The following CRB1 variants were observed in gnomAD, a reference collection of about 807,000 sequenced individuals.
The protein encoded by CRB1 is crumbs cell polarity complex component 1, also known as protein crumbs homolog 1.
In CRB1, 83 loss-of-function variants were observed where a neutral mutation model predicts 120.0. The observed-to-expected ratio is 0.69, with a 90% CI of 0.58 to 0.83. The LOEUF is 0.83. CRB1 is among the 40% of genes least tolerant of loss of function. The pLI, the probability that CRB1 is intolerant of heterozygous loss-of-function variation, is 0.00. For synonymous variants in CRB1, 625 were observed against 612.5 expected, an observed-to-expected ratio of 1.02 and a Z score of -0.30; for missense variants, 1,699 against 1,687.6, an observed-to-expected ratio of 1.01 and a Z score of -0.12.
At chr1:197,437,012 C>T (rs1665193115) in intron 9 of CRB1, among the ~76,000 whole-genome samples, 1 of 152,054 alleles carries the variant, frequency 6.6e-6, no homozygotes, top group African/African-American at 2.4e-5. Context: ...TATTTTTCTT[C>T]TAAGTCACAT....
the CRB1 span, among the ~76,000 whole-genome samples, chr1:197,229,221 A>C: frequency 0.015 from 2,297 of 152,330 alleles, 59 homozygotes; most frequent in African/African-American, 0.053. Flanking sequence ...GTAGTAGCTC[A>C]AACTGACAGA....
rs113810480 is a variant in CRB1 at position 197,305,028 on chromosome 1, C to T, written c.71-23394C>T. ...GGCCCTGCAGAGCCTATTCTTTCAGCCATTCCAGGGATGCCTTTTGCATCT... is the reference window on the plus strand; with the variant it reads ...GGCCCTGCAGAGCCTATTCTTTCAGTCATTCCAGGGATGCCTTTTGCATCT... On this transcript the variant is annotated intron_variant, in intron 1 of 11. Transcript: ENST00000367400. Among the ~76,000 whole-genome samples, 472 of 152,260 alleles carry T rather than the reference C, an allele frequency of 3.1e-3. 1 individual carries two copies. Among genetic ancestry groups the T allele is most frequent in the African/African-American group, 0.011 (450 of 41,558 alleles).
the CRB1 span, among the ~76,000 whole-genome samples, chr1:197,260,947 G>A: frequency 6.6e-6 from 1 of 152,054 alleles, no homozygotes; most frequent in Admixed American, 6.5e-5. Flanking sequence ...CACCCGCCTT[G>A]GCCTCCCAAA....
Position 197,478,090 on chromosome 1 carries a change from G to C in CRB1, c.*211G>C. 1.7e-6 allele frequency: 1 copy of C among 585,324 alleles called. No individual in the cohort carries two copies. Among genetic ancestry groups the C allele is most frequent in the South Asian group, 2.0e-5 (1 of 49,950 alleles). The allele number at this position is 585,324 out of a possible 1,614,324, so 36.3% of individuals were successfully genotyped here. A position where few individuals can be genotyped will look rare whatever the true frequency, so the allele number is the denominator to read the frequency against. On this transcript the variant is annotated 3_prime_UTR_variant, in exon 12 of 12. Transcript: ENST00000367400. ...ATTATATCAGCCAATTGCAAAAAAA[G>C]TCTGTGCCAGTAATTTCAGCCTTAT...
chr1:197,214,161 A>G, the CRB1 span, among the ~76,000 whole-genome samples: 1 of 152,204 alleles, frequency 6.6e-6, no homozygotes, highest in Non-Finnish European at 1.5e-5. Flanking sequence ...TAGCTAGACT[A>G]AGAAAACAAT....
chr1:197,421,750 G>A lies in CRB1; in HGVS notation c.1922G>A (p.Gly641Asp). 2 of 1,614,078 alleles carry A rather than the reference G, an allele frequency of 1.2e-6. No individual in the cohort carries two copies. The highest frequency in any genetic ancestry group is 4.5e-5 in the East Asian group (2 of 44,892). ...YNMPSTPSFV[G>D]CLQDIKIDWN... is the part of the protein sequence containing the mutation. ...ATGCCATCCACACCTTCGTTTGTAG[G>A]CTGTCTCCAAGACATTAAAATTGAT... Residue 641 changes from glycine to aspartate, a missense_variant, in exon 6 of 12, where the codon GGC (glycine) becomes GAC (aspartate). By Grantham distance (94) the Gly-to-Asp change is moderately conservative (BLOSUM62 -1). Transcript: ENST00000367400.
chr1:197,222,342 G>A, the CRB1 span: 4 of 741,184 alleles, frequency 5.4e-6, no homozygotes, highest in Admixed American at 3.5e-5. Context: ...AATCCCAGAC[G>A]TGGCTGCATT....
chr1:197,451,279 A>T (rs1017493409), intron 11 of CRB1, among the ~76,000 whole-genome samples: 12 of 152,230 alleles, frequency 7.9e-5, no homozygotes, highest in African/African-American at 2.9e-4. Context: ...TCTCAAGATT[A>T]TGGCATAGAT....
intron 1 of CRB1, among the ~76,000 whole-genome samples, chr1:197,269,858 CTCTT>C (rs1558019695): frequency 2.0e-5 from 3 of 152,046 alleles, no homozygotes; most frequent in South Asian, 2.1e-4. Context: ...TGTTTTTGCT[CTCTT>C]TGAGTAAGTG....
chr1:197,455,446 A>G (rs981778589), intron 11 of CRB1, among the ~76,000 whole-genome samples: 5 of 152,146 alleles, frequency 3.3e-5, no homozygotes, highest in African/African-American at 4.8e-5. Flanking sequence ...GCACCCAGAT[A>G]CCATGCCGTT....
chr1:197,234,154 G>GT, the CRB1 span, among the ~76,000 whole-genome samples: 6 of 152,294 alleles, frequency 3.9e-5, no homozygotes, highest in South Asian at 8.3e-4. Context: ...TGTTGTAGTG[G>GT]TTTTAAAAAT....
intron 5 of CRB1, among the ~76,000 whole-genome samples, chr1:197,362,646 T>C (rs1273270640): frequency 1.3e-5 from 2 of 152,154 alleles, no homozygotes; most frequent in African/African-American, 2.4e-5. Context: ...TATTCTTTTC[T>C]TGCTTTGAAA....
intron 4 of CRB1, among the ~76,000 whole-genome samples, chr1:197,353,637 C>G (rs1254696876): frequency 6.6e-6 from 1 of 151,748 alleles, no homozygotes; most frequent in Non-Finnish European, 1.5e-5. Flanking sequence ...TTCGTCTCTA[C>G]TAAACATGCA....
At chr1:197,406,907 A>G (rs1370503756) in intron 5 of CRB1, among the ~76,000 whole-genome samples, 1 of 152,166 alleles carries the variant, frequency 6.6e-6, no homozygotes, top group African/African-American at 2.4e-5. Flanking sequence ...AAAGGTGCTT[A>G]CTCCCATTTC....
rs566599105 is a variant in CRB1 at position 197,377,348 on chromosome 1, C to T, written c.1171+20335C>T. Among the ~76,000 whole-genome samples the T allele has an allele frequency of 3.9e-5, 6 of 152,216 alleles. No homozygotes were observed. In the East Asian group the frequency reaches 1.2e-3, roughly 29 times the overall value. On this transcript the variant is annotated intron_variant, in intron 5 of 11. Transcript: ENST00000367400. ...GCCTAGCCCATAACAGGAGGCCCAA[C>T]CAATATTTCATGAATATCAAAATGC...
chr1:197,440,201 C>G (rs1395283921), intron 10 of CRB1: 1 of 152,200 alleles, frequency 6.6e-6, no homozygotes, highest in African/African-American at 2.4e-5. Flanking sequence ...GTCACACTTT[C>G]TGCCTAATGG....
chr1:197,344,222 A>C (rs1312004513), intron 2 of CRB1, 59 bp from the exon 3 acceptor site: 5 of 1,525,580 alleles, frequency 3.3e-6, no homozygotes, highest in African/African-American at 2.7e-5. Flanking sequence ...TCAAATTGCT[A>C]AATTATGAAC....
chr1:197,347,598 C>T (rs1659852709), intron 4 of CRB1, 119 bp downstream of exon 4: 2 of 1,088,054 alleles, frequency 1.8e-6, no homozygotes, highest in East Asian at 5.2e-5. Flanking sequence ...TTTCTTCTAG[C>T]TAATATTGTT....
At chr1:197,248,899 T>C in the CRB1 span, among the ~76,000 whole-genome samples, 1 of 151,904 alleles carries the variant, frequency 6.6e-6, no homozygotes. Context: ...TTTTATTTCT[T>C]TAACTTCAAA....
Sources: gnomAD v4.1 joint callset for allele counts (sites outside exome capture counted in the v4.1 genomes callset) on GRCh38, gnomAD v4.1.1 for gene constraint, MANE v1.5 for transcripts, NCBI Gene and HGNC (gene_info 2026-07-23, HGNC 2026-07-21) for gene names.